The following RNF180 variants were observed in gnomAD, a reference collection of about 807,000 sequenced individuals.
The protein encoded by RNF180 is ring finger protein 180.
A neutral mutation model predicts 59.2 loss-of-function variants in RNF180; 38 were observed. The ratio of observed to expected loss-of-function variants is 0.64; its 90% confidence interval spans 0.50 to 0.84. The LOEUF is 0.84. Among genes scored for constraint, RNF180 ranks in the 40% least tolerant of loss-of-function variants. The pLI is 0.00. For synonymous variants in RNF180, 262 were observed against 240.3 expected (o/e 1.09, Z -0.84); for missense variants, 705 against 700.9 (o/e 1.01, Z -0.07).
chr5:64,306,992 T>TA lies in RNF180; in HGVS notation c.1228-18187dup, dbSNP rs1228598336. ...AGTATAATAATAATAAAATAAAAAA[T>TA]AAAAAAATAAAAATAAAAAAAAAGA... is the stretch of plus-strand genomic sequence containing the variant. On this transcript the variant is annotated intron_variant, in intron 5 of 7. Coordinates refer to ENST00000389100, the MANE Select transcript of RNF180 (RefSeq NM_001113561.2). 1.4e-4 allele frequency among the ~76,000 whole-genome samples: 20 copies of TA among 147,504 alleles called. No individual in the cohort carries two copies. In the Admixed American group the frequency reaches 1.4e-3, roughly 10 times the overall value.
chr5:64,329,081 A>T (rs558270576), intron 6 of RNF180, among the ~76,000 whole-genome samples: 7 of 152,240 alleles, frequency 4.6e-5, no homozygotes, highest in Non-Finnish European at 1.0e-4. Context: ...ACTCATTAGT[A>T]AGCTTCTGAA....
At chr5:64,299,857 A>G (rs1743072820) in intron 5 of RNF180, among the ~76,000 whole-genome samples, 3 of 152,038 alleles carry the variant, frequency 2.0e-5, no homozygotes, top group Admixed American at 2.0e-4. Flanking sequence ...TCATAAATAA[A>G]TGGTTCATAA....
At chr5:64,281,094 C>T (rs1332797111) in intron 5 of RNF180, among the ~76,000 whole-genome samples, 1 of 152,124 alleles carries the variant, frequency 6.6e-6, no homozygotes, top group Non-Finnish European at 1.5e-5. Context: ...TCCTTGATTT[C>T]ACACTAGACT....
intron 5 of RNF180, among the ~76,000 whole-genome samples, chr5:64,299,918 C>T (rs1743076120): frequency 1.3e-5 from 2 of 151,712 alleles, no homozygotes; most frequent in South Asian, 4.2e-4. Flanking sequence ...CTTGTGCAGT[C>T]CCCCTAGATC....
At chr5:64,339,590 C>T (rs1481555996) in intron 7 of RNF180, among the ~76,000 whole-genome samples, 1 of 152,026 alleles carries the variant, frequency 6.6e-6, no homozygotes, top group Non-Finnish European at 1.5e-5. Flanking sequence ...TACTTCTCAG[C>T]TTGGTTTTCA....
intron 5 of RNF180, among the ~76,000 whole-genome samples, chr5:64,241,341 G>T (rs1159057809): frequency 6.6e-6 from 1 of 152,226 alleles, no homozygotes; most frequent in African/African-American, 2.4e-5. Flanking sequence ...GCAGACATCT[G>T]CTGGGGTCTT....
At chr5:64,352,808 A>T (rs1428034561) in intron 7 of RNF180, among the ~76,000 whole-genome samples, 1 of 151,984 alleles carries the variant, frequency 6.6e-6, no homozygotes, top group Non-Finnish European at 1.5e-5. Flanking sequence ...TAAAGTTTGA[A>T]ATACCTGAAA....
At chr5:64,339,689 G>A (rs375129662) in intron 7 of RNF180, among the ~76,000 whole-genome samples, 10 of 151,528 alleles carry the variant, frequency 6.6e-5, no homozygotes, top group Non-Finnish European at 1.3e-4. Context: ...CACAAAATTA[G>A]TGGGTTTTTT....
intron 1 of RNF180, among the ~76,000 whole-genome samples, chr5:64,181,820 A>G (rs926555560): frequency 6.6e-6 from 1 of 152,168 alleles, no homozygotes; most frequent in Non-Finnish European, 1.5e-5. Flanking sequence ...AATTTCAGTA[A>G]TTGATAGTGT....
intron 5 of RNF180, among the ~76,000 whole-genome samples, chr5:64,221,132 T>C (rs184629897): frequency 5.9e-4 from 90 of 152,154 alleles, no homozygotes; most frequent in African/African-American, 2.1e-3. Flanking sequence ...CATCTTAAAA[T>C]CTTATACAAA....
chr5:64,234,790 A>G (rs890479801), intron 5 of RNF180, among the ~76,000 whole-genome samples: 1 of 151,224 alleles, frequency 6.6e-6, no homozygotes, highest in Admixed American at 6.6e-5. Context: ...TAGTAGAGAC[A>G]GGGTTTCACC....
In RNF180 at chr5:64,276,493, T is replaced by A. The variant is rs1321660712; in HGVS notation, c.1228-48693T>A. Among the ~76,000 whole-genome samples, 3 of 152,106 alleles carry A rather than the reference T, an allele frequency of 2.0e-5. 1 individual carries two copies. The highest frequency in any genetic ancestry group is 2.0e-4 in the Admixed American group (3 of 15,232). Reference sequence around the variant, plus strand: ...GAGAGAAAAGACTAAATGACCTCTTTATTCTTTAAAGTAATGTATGACATG... The same window carrying A: ...GAGAGAAAAGACTAAATGACCTCTTAATTCTTTAAAGTAATGTATGACATG... On this transcript the variant is annotated intron_variant, in intron 5 of 7. Coordinates refer to ENST00000389100, the MANE Select transcript of RNF180 (RefSeq NM_001113561.2).
chr5:64,179,991 T>C (rs1231770761), intron 1 of RNF180, among the ~76,000 whole-genome samples: 1 of 152,224 alleles, frequency 6.6e-6, no homozygotes, highest in Non-Finnish European at 1.5e-5. Flanking sequence ...CTGGTGAGGT[T>C]GAACACTTTT....
At chr5:64,181,343 C>T (rs1045248736) in intron 1 of RNF180, among the ~76,000 whole-genome samples, 8 of 152,184 alleles carry the variant, frequency 5.3e-5, no homozygotes, top group African/African-American at 1.9e-4. Context: ...ACGTGGGTAC[C>T]ACAAAGCATT....
chr5:64,249,266 A>G (rs1743405590), intron 5 of RNF180, among the ~76,000 whole-genome samples: 2 of 152,002 alleles, frequency 1.3e-5, no homozygotes, highest in African/African-American at 4.8e-5. Context: ...AAAAGAAAAA[A>G]TAAGCTCACT....
At chr5:64,250,750 G>C (rs941440013) in intron 5 of RNF180, among the ~76,000 whole-genome samples, 2 of 152,118 alleles carry the variant, frequency 1.3e-5, no homozygotes, top group Non-Finnish European at 2.9e-5. Context: ...GGACCTGATG[G>C]CTTCACTGCT....
At chr5:64,259,897 G>T (rs905935014) in intron 5 of RNF180, among the ~76,000 whole-genome samples, 3 of 151,410 alleles carry the variant, frequency 2.0e-5, no homozygotes, top group African/African-American at 7.3e-5. Context: ...CTCCACCCTG[G>T]GCAACAAGAG....
intron 5 of RNF180, among the ~76,000 whole-genome samples, chr5:64,236,063 G>C (rs1742424349): frequency 6.6e-6 from 1 of 152,242 alleles, no homozygotes; most frequent in Non-Finnish European, 1.5e-5. Context: ...CTTTGGAACT[G>C]GGTAATAGGC....
At chr5:64,185,279 G>A (rs1423210074) in intron 1 of RNF180, among the ~76,000 whole-genome samples, 1 of 152,102 alleles carries the variant, frequency 6.6e-6, no homozygotes, top group South Asian at 2.1e-4. Context: ...TGGTAGATTA[G>A]TTAGTTGATA....
Sources: allele counts gnomAD v4.1 joint callset (sites outside exome capture counted in the v4.1 genomes callset), GRCh38; gene constraint gnomAD v4.1.1; transcripts MANE v1.5; gene names NCBI Gene and HGNC (gene_info 2026-07-23, HGNC 2026-07-21).